ABCC4: variants seen among roughly 807,000 people sequenced by gnomAD.
ABCC4 encodes the protein ATP binding cassette subfamily C member 4 (PEL blood group), also known as ATP-binding cassette sub-family C member 4.
ABCC4 carries 102 observed loss-of-function variants against 168.5 expected under a neutral mutation model. The ratio of observed to expected loss-of-function variants is 0.61; its 90% CI spans 0.52 to 0.71. ABCC4 has a LOEUF of 0.71. Ranked by LOEUF, ABCC4 falls within the 30% of genes least tolerant of loss-of-function variation. The pLI, the probability that ABCC4 is intolerant of heterozygous loss-of-function variation, is 0.00. For synonymous variants in ABCC4, 617 were observed against 590.7 expected (o/e 1.04, Z -0.65); for missense variants, 1,402 against 1,605.8 (o/e 0.87, Z 2.17).
intron 25 of ABCC4, among the ~76,000 whole-genome samples, chr13:95,067,043 C>A (rs995647737): frequency 6.6e-6 from 1 of 152,192 alleles, no homozygotes; most frequent in Non-Finnish European, 1.5e-5. Context: ...GAGAAGCCTG[C>A]AGCTACGTTG....
chr13:95,087,480 T>G (rs1344463004), intron 20 of ABCC4, among the ~76,000 whole-genome samples: 1 of 152,106 alleles, frequency 6.6e-6, no homozygotes, highest in East Asian at 1.9e-4. Context: ...AGAGCAAGAC[T>G]CTGTCTCAAA....
intron 4 of ABCC4, among the ~76,000 whole-genome samples, chr13:95,227,753 C>T (rs897290658): frequency 2.0e-5 from 3 of 152,156 alleles, no homozygotes; most frequent in African/African-American, 4.8e-5. Flanking sequence ...CTGTCACCCA[C>T]GCTGGAGTGC....
At chr13:95,029,209 TATATAGAGAGAGAGAGAG>T (rs1419254947) in intron 30 of ABCC4, among the ~76,000 whole-genome samples, 43 of 49,432 alleles carry the variant, frequency 8.7e-4, no homozygotes, top group African/African-American at 3.0e-3. Context: ...TATATATATA[TATATAGAGAGAGAGAGAG>T]AGAGAGAGAG....
intron 4 of ABCC4, among the ~76,000 whole-genome samples, chr13:95,222,709 T>A (rs1315294676): frequency 6.6e-6 from 1 of 152,164 alleles, no homozygotes; most frequent in East Asian, 1.9e-4. Flanking sequence ...TCATATATCA[T>A]TAACACACCT....
chr13:95,201,760 G>A lies in ABCC4; in HGVS notation c.1161+4772C>T, dbSNP rs546993258. Reference sequence around the variant, plus strand: ...TGCCAAGGCGGGTGGATCACTTGAGGTCAGGAATTCGAGACCTGCCTGGCC... The same window carrying A: ...TGCCAAGGCGGGTGGATCACTTGAGATCAGGAATTCGAGACCTGCCTGGCC... On this transcript the variant is annotated intron_variant, in intron 8 of 30. Transcript: ENST00000645237. 8.5e-5 allele frequency among the ~76,000 whole-genome samples: 13 copies of A among 152,296 alleles called. No homozygotes were observed. The South Asian group carries it at 2.3e-3, about 27-fold the overall frequency.
intron 19 of ABCC4, among the ~76,000 whole-genome samples, chr13:95,120,991 T>A (rs756945491): frequency 6.6e-6 from 1 of 152,110 alleles, no homozygotes; most frequent in Non-Finnish European, 1.5e-5. Context: ...ATCACTCAGC[T>A]TAGACCAAAA....
intron 1 of ABCC4, among the ~76,000 whole-genome samples, chr13:95,271,814 T>C (rs556436958): frequency 1.4e-4 from 22 of 152,240 alleles, no homozygotes; most frequent in African/African-American, 4.8e-4. Context: ...CCCTGGGCCT[T>C]TAATCACCAT....
intron 19 of ABCC4, among the ~76,000 whole-genome samples, chr13:95,127,612 C>T (rs1221665818): frequency 1.3e-5 from 2 of 152,140 alleles, no homozygotes; most frequent in Non-Finnish European, 2.9e-5. Flanking sequence ...CCTCTTTCCA[C>T]TCCTGCTACC....
At chr13:95,144,223 C>G (rs908379750) in intron 19 of ABCC4, among the ~76,000 whole-genome samples, 3 of 111,102 alleles carry the variant, frequency 2.7e-5, no homozygotes, top group Non-Finnish European at 5.6e-5. Context: ...CGTAACTTAA[C>G]CCTTATCTGA....
intron 19 of ABCC4, among the ~76,000 whole-genome samples, chr13:95,150,515 C>T (rs992508946): frequency 4.6e-5 from 7 of 151,656 alleles, no homozygotes; most frequent in Admixed American, 4.6e-4. Context: ...ACTGCCAGGG[C>T]CTCAAAATGT....
Position 95,209,613 on chromosome 13 carries a change from C to A in ABCC4, c.622-16G>T. 6.2e-7 allele frequency: 1 copy of A among 1,604,250 alleles called. No homozygotes were observed. Among genetic ancestry groups the A allele is most frequent in the Non-Finnish European group, 8.5e-7 (1 of 1,174,948 alleles). The stretch of plus-strand genomic sequence containing the variant: ...ACACTGTCACCTTTAAAGAAAAAGA[C>A]AGAGCGTTCTTAGGACTCCAGAAAA... On this transcript the variant is annotated splice_polypyrimidine_tract_variant and intron_variant, in intron 5 of 30. Transcript: ENST00000645237.
At chr13:95,225,049 T>C (rs974933205) in intron 4 of ABCC4, among the ~76,000 whole-genome samples, 1 of 151,828 alleles carries the variant, frequency 6.6e-6, no homozygotes, top group Non-Finnish European at 1.5e-5. Flanking sequence ...AGTTCATGAT[T>C]AAGGAGAAAA....
At chr13:95,211,211 C>T (rs3782964) in intron 4 of ABCC4, among the ~76,000 whole-genome samples, 18,579 of 152,210 alleles carry the variant, frequency 0.12, 1,450 homozygotes, top group South Asian at 0.19. Flanking sequence ...AGTCTCTTCA[C>T]CCTGCCTGGA....
chr13:95,083,587 T>A (rs1441991941), intron 20 of ABCC4, among the ~76,000 whole-genome samples: 3 of 150,212 alleles, frequency 2.0e-5, no homozygotes, highest in African/African-American at 7.4e-5. Context: ...AGTGAAGTGG[T>A]GCCATCTCCT....
chr13:95,090,971 A>C lies in ABCC4; in HGVS notation c.2536-7681T>G, dbSNP rs148018323. On this transcript the variant is annotated intron_variant, in intron 20 of 30. Coordinates refer to ENST00000645237, the MANE Select transcript of ABCC4 (RefSeq NM_005845.5). The stretch of plus-strand genomic sequence containing the variant: ...AGAGACATTGGACACACTTACAGAA[A>C]TGCAAAATGCTCTGGAAAGTCTCAG... Among the ~76,000 whole-genome samples the C allele has an allele frequency of 2.2e-3, 338 of 152,340 alleles. 1 individual carries two copies. The highest frequency in any genetic ancestry group is 7.9e-3 in the African/African-American group (327 of 41,588).
rs1360109989 is a variant in ABCC4 at position 95,229,468 on chromosome 13, G to C, written c.531+5142C>G. ...AAACAGCAGAGAGGAGCACCAGCAA[G>C]CAGGCTCAGGTACTGCTGTAGCTTT... On this transcript the variant is annotated intron_variant, in intron 4 of 30. Coordinates refer to ENST00000645237, the MANE Select transcript of ABCC4 (RefSeq NM_005845.5). Among the ~76,000 whole-genome samples the C allele has an allele frequency of 2.0e-5, 3 of 152,176 alleles. No homozygotes were observed. The East Asian group carries it at 5.8e-4, about 29-fold the overall frequency.
At chr13:95,268,950 C>T (rs1970477) in intron 1 of ABCC4, among the ~76,000 whole-genome samples, 57,478 of 151,912 alleles carry the variant, frequency 0.38, 12,802 homozygotes, top group African/African-American at 0.63. Flanking sequence ...CTCAGTCTCT[C>T]GTCCCACCCG....
intron 30 of ABCC4, among the ~76,000 whole-genome samples, chr13:95,025,233 C>A (rs1322870988): frequency 5.1e-4 from 15 of 29,462 alleles, no homozygotes; most frequent in Middle Eastern, 0.023. Context: ...CCACACACAC[C>A]CATACACACA....
At chr13:95,064,281 TATATATATATATATATACAC>T (rs1566384781) in intron 25 of ABCC4, among the ~76,000 whole-genome samples, 2 of 133,718 alleles carry the variant, frequency 1.5e-5, no homozygotes, top group East Asian at 4.2e-4. Flanking sequence ...TATATATATA[TATATATATATATATATACAC>T]ACACACACAC....
Sources: allele counts gnomAD v4.1 joint callset (sites outside exome capture counted in the v4.1 genomes callset), GRCh38; gene constraint gnomAD v4.1.1; transcripts MANE v1.5; gene names NCBI Gene and HGNC (gene_info 2026-07-23, HGNC 2026-07-21).